The following NCK2 variants were observed in gnomAD, a reference collection of about 807,000 sequenced individuals.
NCK2 encodes cytoplasmic protein NCK2.
A neutral mutation model predicts 33.9 loss-of-function variants in NCK2; 16 were observed. That is an observed-to-expected ratio of 0.47 (90% CI 0.32 to 0.72). The LOEUF (loss-of-function observed/expected upper bound fraction) is 0.72. Ranked by LOEUF, NCK2 falls within the 30% of genes least tolerant of loss-of-function variation. The pLI, the probability that NCK2 is intolerant of heterozygous loss-of-function variation, is 0.03. For missense variants in NCK2, 418 were observed against 537.3 expected, an observed-to-expected ratio of 0.78 and a Z score of 2.19; for synonymous variants, 273 against 239.9, an observed-to-expected ratio of 1.14 and a Z score of -1.27.
chr2:105,748,385 TG>T (rs1689356681), intron 1 of NCK2, among the ~76,000 whole-genome samples: 2 of 152,026 alleles, frequency 1.3e-5, no homozygotes, highest in Admixed American at 6.6e-5. Flanking sequence ...TTCCTGCAGT[TG>T]TTTTTTTTCT....
chr2:105,759,186 T>C (rs1689684861), intron 1 of NCK2, among the ~76,000 whole-genome samples: 1 of 152,228 alleles, frequency 6.6e-6, no homozygotes, highest in African/African-American at 2.4e-5. Context: ...ATTTCACGTG[T>C]TAAGTCCTTA....
At chr2:105,820,009 G>A (rs1037072465) in intron 2 of NCK2, among the ~76,000 whole-genome samples, 13 of 152,330 alleles carry the variant, frequency 8.5e-5, no homozygotes, top group African/African-American at 2.9e-4. Flanking sequence ...GCTAACTGCT[G>A]TAGTGGAGGT....
rs1200463552 is a variant in NCK2 at position 105,882,102 on chromosome 2, C to T, written c.948+53C>T. 1.0e-5 allele frequency: 15 copies of T among 1,455,074 alleles called. No homozygotes were observed. The South Asian group carries it at 1.7e-4, about 17-fold the overall frequency. The allele number at this position is 1,455,074 out of a possible 1,614,324, so 90.1% of individuals were successfully genotyped here. Reference sequence around the variant, plus strand: ...CTGCAGGCAGTAAATGCGCCTTGCGCGGTGGGTCTGTGTGCCGCGCCCTTT... The same window carrying T: ...CTGCAGGCAGTAAATGCGCCTTGCGTGGTGGGTCTGTGTGCCGCGCCCTTT... On this transcript the variant is annotated intron_variant, in intron 4 of 4. Transcript: ENST00000233154.
intron 1 of NCK2, among the ~76,000 whole-genome samples, chr2:105,764,391 G>A (rs889202871): frequency 2.0e-5 from 3 of 152,178 alleles, no homozygotes; most frequent in African/African-American, 4.8e-5. Flanking sequence ...CATGTTTATC[G>A]CCGGCCACCC....
chr2:105,888,862 G>A (rs1303097664), intron 4 of NCK2, among the ~76,000 whole-genome samples: 2 of 152,196 alleles, frequency 1.3e-5, no homozygotes, highest in Non-Finnish European at 2.9e-5. Flanking sequence ...TGCATCCCCA[G>A]TCTAGCCTTC....
At chr2:105,814,988 C>T (rs1401270631) in intron 1 of NCK2, among the ~76,000 whole-genome samples, 1 of 152,204 alleles carries the variant, frequency 6.6e-6, no homozygotes, top group East Asian at 1.9e-4. Context: ...GGGCATGGTA[C>T]CCAGCACATT....
At chr2:105,843,579 G>GAAAC (rs977549165) in intron 2 of NCK2, among the ~76,000 whole-genome samples, 1 of 152,144 alleles carries the variant, frequency 6.6e-6, no homozygotes, top group Non-Finnish European at 1.5e-5. Context: ...TGTGCTCAAA[G>GAAAC]AAACAAACGA....
Position 105,855,092 on chromosome 2 carries a change from A to G in NCK2, c.29A>G (p.Lys10Arg), listed in dbSNP as rs774773148. 3 of 1,614,246 alleles carry G rather than the reference A, an allele frequency of 1.9e-6. No homozygotes were observed. In the South Asian group the frequency reaches 3.3e-5, roughly 18 times the overall value. ...ACAGAAGAAGTTATTGTGATAGCCA[A>G]GTGGGACTACACCGCCCAGCAGGAC... MTEEVIVIA[K>R]WDYTAQQDQE... Residue 10 changes from lysine (K) to arginine (R), a missense_variant, in exon 3 of 5, where the codon AAG becomes AGG. Coordinates refer to ENST00000233154, the MANE Select transcript of NCK2 (RefSeq NM_003581.5).
chr2:105,808,691 C>T (rs1675179337), intron 1 of NCK2, among the ~76,000 whole-genome samples: 1 of 152,110 alleles, frequency 6.6e-6, no homozygotes, highest in African/African-American at 2.4e-5. Flanking sequence ...CTTAAAGTGG[C>T]CTAAGAGAAA....
chr2:105,794,860 C>T (rs111650956), intron 1 of NCK2, among the ~76,000 whole-genome samples: 20 of 152,066 alleles, frequency 1.3e-4, no homozygotes, highest in Admixed American at 4.6e-4. Flanking sequence ...CTAAACTGTT[C>T]GCATGGTTCC....
rs555502154 is a variant in NCK2, at chr2:105,830,358, T to C, written c.-17+13745T>C. On this transcript the variant is annotated intron_variant, in intron 2 of 4. Transcript: ENST00000233154. ...GCCTGACTTATTTCATGTAATATAA[T>C]AACATTATCCAGGCTTATCCATGTT... Among the ~76,000 whole-genome samples, 3 of 152,348 alleles carry C rather than the reference T, an allele frequency of 2.0e-5. No homozygotes were observed. In the East Asian group the frequency reaches 5.8e-4, roughly 29 times the overall value.
intron 3 of NCK2, among the ~76,000 whole-genome samples, chr2:105,866,894 T>C (rs535148607): frequency 6.6e-6 from 1 of 152,222 alleles, no homozygotes; most frequent in Non-Finnish European, 1.5e-5. Flanking sequence ...GTGTGGCTTA[T>C]ATATTCTGTG....
intron 4 of NCK2, among the ~76,000 whole-genome samples, chr2:105,885,699 G>A (rs1678693715): frequency 6.6e-6 from 1 of 151,966 alleles, no homozygotes; most frequent in Admixed American, 6.6e-5. Context: ...ACCACACTTT[G>A]AAAACCCTTG....
intron 3 of NCK2, among the ~76,000 whole-genome samples, chr2:105,877,945 A>G (rs1678304129): frequency 6.6e-6 from 1 of 152,200 alleles, no homozygotes; most frequent in South Asian, 2.1e-4. Flanking sequence ...TAGATAACAT[A>G]GTAAAGTCAG....
At chr2:105,838,653 T>C (rs979268232) in intron 2 of NCK2, among the ~76,000 whole-genome samples, 1 of 152,228 alleles carries the variant, frequency 6.6e-6, no homozygotes, top group Admixed American at 6.5e-5. Context: ...TAAATTTGAA[T>C]CCACATGCAA....
At chr2:105,759,910 C>T (rs923467433) in intron 1 of NCK2, among the ~76,000 whole-genome samples, 3 of 152,046 alleles carry the variant, frequency 2.0e-5, no homozygotes, top group African/African-American at 4.8e-5. Flanking sequence ...GGAAGGCCAC[C>T]GAGGTAATGT....
chr2:105,763,117 G>A (rs1689820421), intron 1 of NCK2, among the ~76,000 whole-genome samples: 1 of 152,190 alleles, frequency 6.6e-6, no homozygotes, highest in African/African-American at 2.4e-5. Context: ...AGAATTGCTT[G>A]AACCCAGAAG....
intron 2 of NCK2, among the ~76,000 whole-genome samples, chr2:105,841,643 A>G (rs2104551407): frequency 6.6e-6 from 1 of 152,294 alleles, no homozygotes; most frequent in Non-Finnish European, 1.5e-5. Flanking sequence ...GGTGGGGTTG[A>G]AAGTCCCAAC....
chr2:105,805,557 C>T (rs1415040646), intron 1 of NCK2, among the ~76,000 whole-genome samples: 2 of 152,076 alleles, frequency 1.3e-5, no homozygotes, highest in Non-Finnish European at 2.9e-5. Flanking sequence ...CCCGAACTTA[C>T]TCATAACCAA....
Sources: gnomAD v4.1 joint callset for allele counts (sites outside exome capture counted in the v4.1 genomes callset) on GRCh38, gnomAD v4.1.1 for gene constraint, MANE v1.5 for transcripts, NCBI Gene and HGNC (gene_info 2026-07-23, HGNC 2026-07-21) for gene names.